KLF8: variants seen among roughly 807,000 people sequenced by gnomAD.
The protein encoded by KLF8 is Krueppel-like factor 8.
In KLF8, 10 loss-of-function variants were observed where a neutral mutation model predicts 18.2. The observed-to-expected ratio is 0.55, with a 90% CI of 0.34 to 0.93. The LOEUF is 0.93. Ranked by LOEUF, KLF8 falls within the 40% of genes least tolerant of loss-of-function variation. The pLI is 0.02. For missense variants in KLF8, 264 were observed against 277.9 expected (o/e 0.95, Z 0.36); for synonymous variants, 109 against 97.3 (o/e 1.12, Z -0.71).
chrX:56,153,550 G>C, the KLF8 span, among the ~76,000 whole-genome samples: 1 of 111,197 alleles, frequency 9.0e-6, no homozygotes, highest in East Asian at 2.8e-4. Flanking sequence ...CAGGAGTAGC[G>C]AGAGAGGGCA....
At chrX:56,196,890 A>T in the KLF8 span, among the ~76,000 whole-genome samples, 1 of 111,736 alleles carries the variant, frequency 8.9e-6, no homozygotes, top group African/African-American at 3.3e-5. Context: ...ATCATAACAA[A>T]CTATCTCTCA....
At chrX:56,244,730 C>T (rs1327269341) in intron 1 of KLF8, among the ~76,000 whole-genome samples, 1 of 112,200 alleles carries the variant, frequency 8.9e-6, no homozygotes, top group Admixed American at 9.5e-5. Flanking sequence ...CTTAATTCCT[C>T]TGGAAGATGT....
chrX:56,051,228 C>T, the KLF8 span, among the ~76,000 whole-genome samples: 1 of 111,276 alleles, frequency 9.0e-6, no homozygotes, highest in Non-Finnish European at 1.9e-5. Flanking sequence ...ATCCAATTTG[C>T]CAGTCTGTGT....
chrX:56,178,107 C>A, the KLF8 span, among the ~76,000 whole-genome samples: 1 of 111,977 alleles, frequency 8.9e-6, no homozygotes, highest in African/African-American at 3.2e-5. Context: ...CACCCAATGT[C>A]CTGCACCCAC....
the KLF8 span, among the ~76,000 whole-genome samples, chrX:55,986,432 T>A: frequency 8.9e-6 from 1 of 112,351 alleles, no homozygotes; most frequent in Non-Finnish European, 1.9e-5. Flanking sequence ...GGAATTACAT[T>A]TATTGATTTG....
At chrX:56,060,114 C>T in the KLF8 span, among the ~76,000 whole-genome samples, 1 of 111,650 alleles carries the variant, frequency 9.0e-6, no homozygotes. Context: ...TCTAAATATA[C>T]AATCATGTGA....
the KLF8 span, among the ~76,000 whole-genome samples, chrX:56,163,652 C>G: frequency 9.0e-6 from 1 of 111,428 alleles, no homozygotes; most frequent in African/African-American, 3.3e-5. Flanking sequence ...AATTATAGTT[C>G]TTTGTCACTA....
the KLF8 span, among the ~76,000 whole-genome samples, chrX:55,939,623 C>A: frequency 1.8e-5 from 2 of 110,869 alleles, no homozygotes; most frequent in Non-Finnish European, 3.8e-5. Flanking sequence ...ATGGATAGAC[C>A]ACTAGCAAGA....
At chrX:56,108,313 A>C in the KLF8 span, among the ~76,000 whole-genome samples, 1 of 111,798 alleles carries the variant, frequency 8.9e-6, no homozygotes, top group African/African-American at 3.2e-5. Flanking sequence ...TTCTTTTACT[A>C]TTAAGTGTAA....
At chrX:56,147,472 A>C in the KLF8 span, among the ~76,000 whole-genome samples, 1 of 112,425 alleles carries the variant, frequency 8.9e-6, no homozygotes, top group African/African-American at 3.2e-5. Flanking sequence ...AAACAAAACA[A>C]AACAAAAAAT....
At chrX:55,946,499 C>A in the KLF8 span, among the ~76,000 whole-genome samples, 90 of 111,506 alleles carry the variant, frequency 8.1e-4, no homozygotes, top group African/African-American at 2.9e-3. Context: ...GATGGATTGT[C>A]GACTTAAACG....
the KLF8 span, among the ~76,000 whole-genome samples, chrX:56,020,139 A>C: frequency 8.9e-6 from 1 of 111,867 alleles, no homozygotes; most frequent in African/African-American, 3.2e-5. Context: ...TTCTACATAC[A>C]CCAAATATGA....
At chrX:56,063,884 T>A in the KLF8 span, among the ~76,000 whole-genome samples, 2 of 110,584 alleles carry the variant, frequency 1.8e-5, no homozygotes, top group Non-Finnish European at 3.8e-5. Context: ...AGTATGGCTA[T>A]GGCAGCTTCA....
chrX:56,152,334 G>C, the KLF8 span, among the ~76,000 whole-genome samples: 28 of 110,704 alleles, frequency 2.5e-4, no homozygotes, highest in Admixed American at 2.7e-3. Flanking sequence ...AGATATTAGA[G>C]ATATAGAGAG....
intron 5 of KLF8, among the ~76,000 whole-genome samples, chrX:56,279,150 CT>C (rs1049939887): frequency 1.2e-4 from 13 of 109,740 alleles, no homozygotes; most frequent in Non-Finnish European, 1.3e-4. Flanking sequence ...ATTTTTCGTT[CT>C]TTTTTTTTAT....
chrX:55,918,414 CA>C, the KLF8 span, among the ~76,000 whole-genome samples: 17 of 112,095 alleles, frequency 1.5e-4, no homozygotes, highest in African/African-American at 5.5e-4. Context: ...AATTGCCATC[CA>C]ATCCTGATAC....
intron 3 of KLF8, chrX:56,269,005 AACACAC>A (rs10584898): frequency 8.0e-5 from 63 of 791,264 alleles, no homozygotes; most frequent in East Asian, 5.8e-4. Flanking sequence ...AGTTCAATTC[AACACAC>A]ACACACACAC....
the KLF8 span, among the ~76,000 whole-genome samples, chrX:56,000,166 A>G: frequency 4.5e-5 from 5 of 110,735 alleles, no homozygotes; most frequent in Non-Finnish European, 9.5e-5. Context: ...ATGTGTGGAA[A>G]CATCCCTGCA....
chrX:56,284,305 C>G lies in KLF8; in HGVS notation c.899-8C>G. 1 of 1,119,202 alleles carries G rather than the reference C, an allele frequency of 8.9e-7. No homozygotes were observed. Among genetic ancestry groups the G allele is most frequent in the South Asian group, 2.3e-5 (1 of 43,647 alleles). The allele number at this position is 1,119,202 out of a possible 1,213,427, so 92.2% of individuals were successfully genotyped here. On this transcript the variant is annotated splice_polypyrimidine_tract_variant and splice_region_variant and intron_variant, in intron 5 of 5. Transcript: ENST00000468660. Reference sequence around the variant, plus strand: ...GATTCTCTTTTTTTTGTCACATTCCCTTTTTAGGAGAGAAGCCTTATAAAT... The same window carrying G: ...GATTCTCTTTTTTTTGTCACATTCCGTTTTTAGGAGAGAAGCCTTATAAAT...
Sources: allele counts gnomAD v4.1 joint callset (sites outside exome capture counted in the v4.1 genomes callset), GRCh38; gene constraint gnomAD v4.1.1; transcripts MANE v1.5; gene names NCBI Gene and HGNC (gene_info 2026-07-23, HGNC 2026-07-21).